PDZD2: variants seen among roughly 807,000 people sequenced by gnomAD.
PDZD2 encodes PDZ domain containing 2.
Under a neutral mutation model 220.7 loss-of-function variants are expected in PDZD2, and 90 were observed. That is an observed-to-expected ratio of 0.41 (90% CI 0.34 to 0.49). The LOEUF (loss-of-function observed/expected upper bound fraction) is 0.49, where lower values mean the gene tolerates loss of function less well. PDZD2 is among the 20% of genes least tolerant of loss of function. The pLI is 0.28. For synonymous variants in PDZD2, 1,375 were observed against 1,450.5 expected, an observed-to-expected ratio of 0.95 and a Z score of 1.18; for missense variants, 3,174 against 3,608.5, an observed-to-expected ratio of 0.88 and a Z score of 3.08.
rs771920154 is a variant in PDZD2, at chr5:32,087,545, G to C, written c.4097G>C (p.Gly1366Ala). ...GNHSKALEMT[G>A]IHAPESSQEP... Reference sequence around the variant, plus strand: ...CACAGTAAGGCTCTGGAAATGACAGGAATCCATGCACCTGAAAGCTCCCAG... The same window carrying C: ...CACAGTAAGGCTCTGGAAATGACAGCAATCCATGCACCTGAAAGCTCCCAG... Residue 1366 changes from glycine to alanine, a missense_variant, in exon 20 of 25, where the codon GGA becomes GCA. Gly to Ala is a moderately conservative substitution (Grantham distance 60, BLOSUM62 0). Coordinates refer to ENST00000438447, the MANE Select transcript of PDZD2 (RefSeq NM_178140.4). The surrounding 1 kb of genome is among the most constrained non-coding windows in gnomAD (Gnocchi z 4.0). The C allele has an allele frequency of 8.1e-6, 13 of 1,613,804 alleles. No individual in the cohort carries two copies. Among genetic ancestry groups the C allele is most frequent in the Non-Finnish European group, 1.1e-5 (13 of 1,179,848 alleles).
At chr5:31,949,211 G>T (rs989531183) in intron 2 of PDZD2, among the ~76,000 whole-genome samples, 5 of 151,356 alleles carry the variant, frequency 3.3e-5, no homozygotes, top group Non-Finnish European at 7.4e-5. Flanking sequence ...GGAAGATAGA[G>T]AATCTCATTT....
At chr5:31,940,145 C>T (rs1397742568) in intron 2 of PDZD2, among the ~76,000 whole-genome samples, 1 of 152,190 alleles carries the variant, frequency 6.6e-6, no homozygotes, top group African/African-American at 2.4e-5. Context: ...CACAAGGTCC[C>T]TCATGCCATG....
chr5:31,701,802 G>A (rs1397661615), intron 1 of PDZD2, among the ~76,000 whole-genome samples: 2 of 152,174 alleles, frequency 1.3e-5, no homozygotes, highest in African/African-American at 2.4e-5. Context: ...TGCAGGCGCC[G>A]ACACACGAGA....
At chr5:32,061,253 C>A in intron 14 of PDZD2, 119 bp downstream of exon 14, 1 of 819,288 alleles carries the variant, frequency 1.2e-6, no homozygotes, top group African/African-American at 1.7e-5. Flanking sequence ...ACGGGTGGTT[C>A]ATGTGGGAAA....
At chr5:32,003,127 ACACACACCACACACACAC>A (rs201107195) in intron 5 of PDZD2, among the ~76,000 whole-genome samples, 5 of 108,688 alleles carry the variant, frequency 4.6e-5, no homozygotes, top group Non-Finnish European at 8.9e-5. Flanking sequence ...CACGCGCCAC[ACACACACCACACACACAC>A]CACACACCAC....
chr5:32,029,565 G>T (rs1423862685), intron 6 of PDZD2, among the ~76,000 whole-genome samples: 1 of 152,058 alleles, frequency 6.6e-6, no homozygotes, highest in Non-Finnish European at 1.5e-5. Flanking sequence ...AGGCTCGGGG[G>T]TGTGCACATG....
intron 2 of PDZD2, among the ~76,000 whole-genome samples, chr5:31,892,299 A>G (rs569899832): frequency 3.9e-5 from 6 of 152,338 alleles, no homozygotes; most frequent in African/African-American, 1.2e-4. Flanking sequence ...TCTGCTGACC[A>G]GCAATAACCA....
chr5:32,085,785 T>C (rs1742389765), intron 19 of PDZD2, among the ~76,000 whole-genome samples: 1 of 152,214 alleles, frequency 6.6e-6, no homozygotes, highest in Non-Finnish European at 1.5e-5. Context: ...TTTTGTCTTT[T>C]GTTTTTTTTA....
chr5:31,906,503 C>T (rs549302175), intron 2 of PDZD2, among the ~76,000 whole-genome samples: 3 of 151,996 alleles, frequency 2.0e-5, no homozygotes, highest in Non-Finnish European at 2.9e-5. Flanking sequence ...AGCCACCATG[C>T]GCGGCCTTAG....
At chr5:32,107,935 CA>C (rs766569829) in intron 24 of PDZD2, 33 bp from the exon 25 acceptor site, 1 of 1,517,654 alleles carries the variant, frequency 6.6e-7, no homozygotes, top group East Asian at 2.3e-5. Context: ...ATGAAACTGC[CA>C]AGCTATTAAT....
intron 1 of PDZD2, among the ~76,000 whole-genome samples, chr5:31,658,366 G>A (rs994657244): frequency 5.9e-5 from 9 of 152,152 alleles, no homozygotes; most frequent in Admixed American, 2.6e-4. Context: ...TCCAGCCTGC[G>A]CTCTTTCCTT....
intron 1 of PDZD2, among the ~76,000 whole-genome samples, chr5:31,669,965 C>T (rs1232814659): frequency 3.3e-5 from 5 of 152,174 alleles, no homozygotes; most frequent in Non-Finnish European, 5.9e-5. Flanking sequence ...AAATCCTCTC[C>T]ACGACCCTGC....
chr5:31,857,479 C>T (rs1275207013), intron 2 of PDZD2, among the ~76,000 whole-genome samples: 1 of 152,132 alleles, frequency 6.6e-6, no homozygotes, highest in Non-Finnish European at 1.5e-5. Context: ...TTGAGATCCT[C>T]CAAGGTTGAC....
chr5:31,747,059 C>T (rs1750645223), intron 1 of PDZD2, among the ~76,000 whole-genome samples: 1 of 152,138 alleles, frequency 6.6e-6, no homozygotes, highest in Admixed American at 6.6e-5. Flanking sequence ...CCTGTAATCC[C>T]AGCTACTCGG....
intron 6 of PDZD2, among the ~76,000 whole-genome samples, chr5:32,017,019 G>A (rs115354374): frequency 0.01 from 1,534 of 152,280 alleles, 17 homozygotes; most frequent in Non-Finnish European, 0.017. Context: ...TACATGGATG[G>A]TTGGACAGAT....
At chr5:31,916,648 G>A (rs1476985728) in intron 2 of PDZD2, among the ~76,000 whole-genome samples, 1 of 142,580 alleles carries the variant, frequency 7.0e-6, no homozygotes, top group Non-Finnish European at 1.5e-5. Flanking sequence ...CGTTGCACGT[G>A]TTCAGCTGTT....
chr5:31,974,511 T>C (rs1347602740), intron 2 of PDZD2, among the ~76,000 whole-genome samples: 1 of 152,206 alleles, frequency 6.6e-6, no homozygotes, highest in East Asian at 1.9e-4. Context: ...TTATTTTGTG[T>C]ATTTTCCCAT....
chr5:31,987,973 C>T (rs963200202), intron 3 of PDZD2, among the ~76,000 whole-genome samples: 1 of 152,196 alleles, frequency 6.6e-6, no homozygotes, highest in Admixed American at 6.5e-5. Context: ...CAACCTGCCT[C>T]TCTCTTTACT....
chr5:32,063,408 T>C (rs1164989852), intron 14 of PDZD2, among the ~76,000 whole-genome samples: 5 of 152,192 alleles, frequency 3.3e-5, no homozygotes, highest in Admixed American at 3.3e-4. Context: ...ATCCTTCAGG[T>C]CTAATGTTAG....
Sources: allele counts gnomAD v4.1 joint callset (sites outside exome capture counted in the v4.1 genomes callset), GRCh38; gene constraint gnomAD v4.1.1; non-coding constraint Gnocchi (gnomAD v3.1); transcripts MANE v1.5; gene names NCBI Gene and HGNC (gene_info 2026-07-23, HGNC 2026-07-21).